TRIML2: variants seen among roughly 807,000 people sequenced by gnomAD.
The protein encoded by TRIML2 is probable E3 ubiquitin-protein ligase TRIML2.
TRIML2 carries 28 observed loss-of-function variants against 31.2 expected under a neutral mutation model. The ratio of observed to expected loss-of-function variants is 0.90; its 90% CI spans 0.66 to 1.23. The LOEUF is 1.23. Ranked by LOEUF, TRIML2 falls within the 50% of genes most tolerant of loss-of-function variation. The probability of loss-of-function intolerance (pLI) is 0.00; values close to 1 mark genes in which losing one functional copy is unlikely to be tolerated. For synonymous variants in TRIML2, 187 were observed against 197.5 expected (o/e 0.95, Z 0.45); for missense variants, 536 against 528.3 (o/e 1.01, Z -0.14).
At chr4:188,092,808 T>C in intron 7 of TRIML2, 1 of 455,526 alleles carries the variant, frequency 2.2e-6, no homozygotes, top group South Asian at 1.6e-5. Context: ...GCAGGCTCAA[T>C]GAATTCCTCA....
At chr4:188,105,053 G>T (rs1361635046) in intron 2 of TRIML2, 121 bp from the exon 3 acceptor site, 4 of 1,410,614 alleles carry the variant, frequency 2.8e-6, no homozygotes, top group African/African-American at 2.8e-5. Flanking sequence ...AAGGTTCAAC[G>T]AACTTATCTA....
chr4:188,098,566 A>G (rs74750707), intron 5 of TRIML2: 16,237 of 189,684 alleles, frequency 0.086, 1,531 homozygotes, highest in East Asian at 0.51. Flanking sequence ...ATGACTATAC[A>G]TTTATTAATT....
intron 7 of TRIML2, chr4:188,092,841 T>G (rs1733328053): frequency 2.2e-6 from 1 of 456,232 alleles, no homozygotes; most frequent in African/African-American, 2.0e-5. Flanking sequence ...TACGTCTTCT[T>G]CCTATCTCTG....
chr4:188,107,391 TAAAC>T (rs1734084541), intron 1 of TRIML2, among the ~76,000 whole-genome samples: 1 of 152,188 alleles, frequency 6.6e-6, no homozygotes, highest in South Asian at 2.1e-4. Context: ...TTAACGCTCA[TAAAC>T]AAAAGCTTAT....
intron 4 of TRIML2, 43 bp downstream of exon 4, chr4:188,101,013 T>C: frequency 6.5e-7 from 1 of 1,532,616 alleles, no homozygotes; most frequent in Non-Finnish European, 8.8e-7. Flanking sequence ...GCTCTTCTTT[T>C]TCTCATTTCT....
chr4:188,091,542 G>C lies in TRIML2; in HGVS notation c.1145C>G (p.Ser382Ter). ...VFLDCEHGQI[S>*]FYNVTEMSLI... ...GGACATCTCGGTCACATTGTAGAAT[G>C]ATATCTGCCCGTGTTCGCAGTCAAG... The change falls in exon 8 of 8, where the codon TCA becomes TGA. Residue 382 changes from serine (S) to a stop codon, truncating the protein, a stop_gained. Transcript: ENST00000682553. LOFTEE classifies it low-confidence loss of function (END_TRUNC). 1 of 1,614,150 alleles carries C rather than the reference G, an allele frequency of 6.2e-7. No homozygotes were observed. Among genetic ancestry groups the C allele is most frequent in the Non-Finnish European group, 8.5e-7 (1 of 1,180,038 alleles).
At position 188,091,314 on chromosome 4, in the gene TRIML2, C is replaced by A. The variant is rs1733238304; in HGVS notation, c.*59G>T. ...TTGGGTTAGTTTACACAAATTCTTTCAAAGTCTTGTTCTCCAACTTTCTGG... is the reference window on the plus strand; with the variant it reads ...TTGGGTTAGTTTACACAAATTCTTTAAAAGTCTTGTTCTCCAACTTTCTGG... On this transcript the variant is annotated 3_prime_UTR_variant, in exon 8 of 8. Transcript: ENST00000682553. 5 of 1,514,244 alleles carry A rather than the reference C, an allele frequency of 3.3e-6. No homozygotes were observed. Among genetic ancestry groups the A allele is most frequent in the Non-Finnish European group, 3.6e-6 (4 of 1,116,944 alleles). The allele number at this position is 1,514,244 out of a possible 1,614,324, so 93.8% of individuals were successfully genotyped here. A position where few individuals can be genotyped will look rare whatever the true frequency, so the allele number is the denominator to read the frequency against.
chr4:188,097,258 C>T, intron 6 of TRIML2, 66 bp downstream of exon 6: 1 of 1,601,110 alleles, frequency 6.2e-7, no homozygotes, highest in African/African-American at 1.3e-5. Context: ...ATGCAATCTC[C>T]CTATCTCAAT....
chr4:188,095,423 A>G (rs1733463495), intron 7 of TRIML2, among the ~76,000 whole-genome samples: 2 of 152,232 alleles, frequency 1.3e-5, no homozygotes, highest in African/African-American at 2.4e-5. Flanking sequence ...TATAAAACTC[A>G]AGAGACATAC....
Position 188,093,010 on chromosome 4 carries a change from G to A in TRIML2, c.746-1069C>T, listed in dbSNP as rs148590078. 7.4e-3 allele frequency: 2,828 copies of A among 382,642 alleles called. 20 individuals are homozygous for A. Among genetic ancestry groups the A allele is most frequent in the Middle Eastern group, 0.011 (28 of 2,450 alleles). The allele number at this position is 382,642 out of a possible 1,614,324, so 23.7% of individuals were successfully genotyped here. A position where few individuals can be genotyped will look rare whatever the true frequency, so the allele number is the denominator to read the frequency against. Reference sequence around the variant, plus strand: ...AACATCTTCTCTGTGTTTGTGACTCGCTCCATAAACAGCTAAATACCAGTT... The same window carrying A: ...AACATCTTCTCTGTGTTTGTGACTCACTCCATAAACAGCTAAATACCAGTT... On this transcript the variant is annotated intron_variant, in intron 7 of 7. Transcript: ENST00000682553.
chr4:188,099,285 G>C (rs555497665), intron 4 of TRIML2, 110 bp from the exon 5 acceptor site: 207 of 1,411,678 alleles, frequency 1.5e-4, no homozygotes, highest in Non-Finnish European at 1.8e-4. Context: ...CCTGCTTTTC[G>C]GTTGGGCGCA....
chr4:188,096,137 G>A (rs9992916), intron 7 of TRIML2, among the ~76,000 whole-genome samples: 8,458 of 152,218 alleles, frequency 0.056, 379 homozygotes, highest in African/African-American at 0.12. Context: ...GGTGGCTCAC[G>A]CCTGTAATCC....
chr4:188,104,444 A>G (rs1733937415), intron 3 of TRIML2, among the ~76,000 whole-genome samples: 1 of 150,316 alleles, frequency 6.7e-6, no homozygotes, highest in South Asian at 2.1e-4. Flanking sequence ...GCTCACTGCA[A>G]CCTCTGCCTC....
chr4:188,101,280 G>A (rs750946475), intron 3 of TRIML2, 30 bp from the exon 4 acceptor site: 30 of 1,488,590 alleles, frequency 2.0e-5, no homozygotes, highest in Non-Finnish European at 2.1e-5. Flanking sequence ...TAGACTTCAG[G>A]TTAAACATGA....
rs779802083 is a variant in TRIML2 at position 188,105,308 on chromosome 4, T to C, written c.61A>G (p.Thr21Ala). Reference protein sequence around the residue: ...HNITEDAYCETHLEPTRLFCD... With the variant: ...HNITEDAYCEAHLEPTRLFCD... ...AACAGCCGTGTTGGTTCCAGGTGTG[T>C]TTCACAATAGGCATCTTCTGTGATG... The change falls in exon 2 of 8, where the codon ACA becomes GCA. Residue 21 changes from threonine (T) to alanine (A), a missense_variant. Coordinates refer to ENST00000682553, the MANE Select transcript of TRIML2 (RefSeq NM_173553.4). 6.2e-7 allele frequency: 1 copy of C among 1,609,676 alleles called. No individual in the cohort carries two copies. The highest frequency in any genetic ancestry group is 1.1e-5 in the South Asian group (1 of 91,008).
rs201974961 is a variant in TRIML2 at position 188,097,279 on chromosome 4, C to G, written c.644+45G>C. 30 of 1,610,170 alleles carry G rather than the reference C, an allele frequency of 1.9e-5. 1 individual carries two copies. In the Admixed American group the frequency reaches 5.0e-4, roughly 27 times the overall value. On this transcript the variant is annotated intron_variant, in intron 6 of 7. Coordinates refer to ENST00000682553, the MANE Select transcript of TRIML2 (RefSeq NM_173553.4). ...TCTCCCTATCTCAATCAACATCTTACTGGACTCTGATTCTCACCCAATTGT... is the reference window on the plus strand; with the variant it reads ...TCTCCCTATCTCAATCAACATCTTAGTGGACTCTGATTCTCACCCAATTGT...
In TRIML2 at chr4:188,101,629, G is replaced by A. The variant is rs1330338711; in HGVS notation, c.286-379C>T. Reference sequence around the variant, plus strand: ...GAATCGCTTGAACCTGGGAGGTGGAGGTTGCAGTGAGCAGAGATTACGCCA... The same window carrying A: ...GAATCGCTTGAACCTGGGAGGTGGAAGTTGCAGTGAGCAGAGATTACGCCA... On this transcript the variant is annotated intron_variant, in intron 3 of 7. Coordinates refer to ENST00000682553, the MANE Select transcript of TRIML2 (RefSeq NM_173553.4). Among the ~76,000 whole-genome samples the A allele has an allele frequency of 2.0e-5, 3 of 151,960 alleles. No individual in the cohort carries two copies. In the East Asian group the frequency reaches 5.8e-4, roughly 30 times the overall value.
intron 3 of TRIML2, 134 bp downstream of exon 3, chr4:188,104,703 A>G (rs1164801601): frequency 1.4e-6 from 1 of 740,172 alleles, no homozygotes; most frequent in Non-Finnish European, 2.3e-6. Flanking sequence ...TTAAGATATT[A>G]GCACTTTTCC....
At chr4:188,097,388 A>G (rs764517700) in intron 5 of TRIML2, 42 bp from the exon 6 acceptor site, 1 of 1,606,726 alleles carries the variant, frequency 6.2e-7, no homozygotes, top group Admixed American at 1.7e-5. Context: ...TGGGTTTTTG[A>G]GCTGTTTTTG....
Sources: allele counts gnomAD v4.1 joint callset (sites outside exome capture counted in the v4.1 genomes callset), GRCh38; gene constraint gnomAD v4.1.1; transcripts MANE v1.5; gene names NCBI Gene and HGNC (gene_info 2026-07-23, HGNC 2026-07-21).